Variants in CCDC178 observed in about 807,000 individuals in gnomAD.
CCDC178 encodes coiled-coil domain-containing protein 178.
CCDC178 carries 126 observed loss-of-function variants against 117.4 expected under a neutral mutation model. That is an observed-to-expected ratio of 1.07 (90% CI 0.93 to 1.24). The LOEUF is 1.24. Ranked by LOEUF, CCDC178 falls within the 50% of genes most tolerant of loss-of-function variation. The pLI, the probability that CCDC178 is intolerant of heterozygous loss-of-function variation, is 0.00. For missense variants in CCDC178, 1,030 were observed against 986.9 expected (o/e 1.04, Z -0.59); for synonymous variants, 283 against 313.4 (o/e 0.90, Z 1.02).
chr18:33,067,800 C>T (rs1055574656), intron 21 of CCDC178, among the ~76,000 whole-genome samples: 1 of 151,706 alleles, frequency 6.6e-6, no homozygotes, highest in African/African-American at 2.4e-5. Context: ...CCATTGCACT[C>T]CAGCCTTGGC....
chr18:33,015,307 G>T (rs1365984722), intron 21 of CCDC178, among the ~76,000 whole-genome samples: 1 of 151,518 alleles, frequency 6.6e-6, no homozygotes, highest in Non-Finnish European at 1.5e-5. Flanking sequence ...TCTCACGCCT[G>T]TAATCTCAGC....
intron 8 of CCDC178, among the ~76,000 whole-genome samples, chr18:33,346,694 C>T (rs2062899195): frequency 2.0e-5 from 3 of 152,170 alleles, no homozygotes; most frequent in African/African-American, 4.8e-5. Flanking sequence ...GGAAAAAACA[C>T]ATGTGCTATT....
At chr18:33,203,144 T>C (rs921650481) in intron 20 of CCDC178, among the ~76,000 whole-genome samples, 1 of 152,172 alleles carries the variant, frequency 6.6e-6, no homozygotes, top group Non-Finnish European at 1.5e-5. Flanking sequence ...ATTCAAGTCC[T>C]GAGATTATCA....
At chr18:33,126,997 A>AAAAATATAT (rs71266914) in intron 20 of CCDC178, among the ~76,000 whole-genome samples, 1 of 141,186 alleles carries the variant, frequency 7.1e-6, no homozygotes, top group African/African-American at 2.7e-5. Flanking sequence ...AAAAAAAAAA[A>AAAAATATAT]ATATATATAT....
At chr18:33,275,351 T>C (rs930312475) in intron 12 of CCDC178, among the ~76,000 whole-genome samples, 1 of 151,878 alleles carries the variant, frequency 6.6e-6, no homozygotes, top group Non-Finnish European at 1.5e-5. Flanking sequence ...AATTCAACTT[T>C]TGAGAATCTA....
At chr18:33,186,405 C>T (rs557605499) in intron 20 of CCDC178, among the ~76,000 whole-genome samples, 6 of 152,162 alleles carry the variant, frequency 3.9e-5, no homozygotes, top group Non-Finnish European at 5.9e-5. Context: ...GTAGACCAGA[C>T]GCACTGACCA....
At chr18:33,065,184 T>C (rs917430911) in intron 21 of CCDC178, among the ~76,000 whole-genome samples, 1 of 152,252 alleles carries the variant, frequency 6.6e-6, no homozygotes, top group East Asian at 1.9e-4. Context: ...GGTGTTCTAT[T>C]GCACAGTAGG....
intron 20 of CCDC178, among the ~76,000 whole-genome samples, chr18:33,117,801 T>G (rs1262644464): frequency 6.6e-6 from 1 of 152,122 alleles, no homozygotes; most frequent in Non-Finnish European, 1.5e-5. Flanking sequence ...CTAGTTGTAG[T>G]TGTTTGGTAG....
At chr18:33,106,120 C>T (rs894316783) in intron 20 of CCDC178, among the ~76,000 whole-genome samples, 1 of 151,594 alleles carries the variant, frequency 6.6e-6, no homozygotes, top group African/African-American at 2.4e-5. Flanking sequence ...TGAAACAATG[C>T]TTATATAATA....
chr18:33,436,104 C>A (rs1301531491), intron 2 of CCDC178, among the ~76,000 whole-genome samples: 1 of 151,948 alleles, frequency 6.6e-6, no homozygotes, highest in Non-Finnish European at 1.5e-5. Flanking sequence ...ACATTAAAGT[C>A]AAGAATAATT....
chr18:33,437,398 A>G (rs563979916), intron 2 of CCDC178, among the ~76,000 whole-genome samples: 1 of 152,204 alleles, frequency 6.6e-6, no homozygotes, highest in South Asian at 2.1e-4. Flanking sequence ...GTTCAACCAT[A>G]TTGTTGCCCC....
chr18:33,120,517 C>T (rs943366948), intron 20 of CCDC178, among the ~76,000 whole-genome samples: 12 of 152,110 alleles, frequency 7.9e-5, no homozygotes, highest in African/African-American at 2.9e-4. Flanking sequence ...ATGGATTGTA[C>T]ATTAACAATG....
intron 21 of CCDC178, among the ~76,000 whole-genome samples, chr18:33,031,908 A>G (rs2056351365): frequency 6.6e-6 from 1 of 152,144 alleles, no homozygotes; most frequent in Non-Finnish European, 1.5e-5. Flanking sequence ...AATAAATACT[A>G]TCTAGTAATG....
At chr18:32,963,202 A>G (rs1226249881) in intron 22 of CCDC178, among the ~76,000 whole-genome samples, 1 of 152,134 alleles carries the variant, frequency 6.6e-6, no homozygotes, top group Non-Finnish European at 1.5e-5. Context: ...GCTGCATTAA[A>G]TAAAAAGAAA....
At chr18:33,084,621 G>C (rs2057348187) in intron 21 of CCDC178, among the ~76,000 whole-genome samples, 1 of 151,852 alleles carries the variant, frequency 6.6e-6, no homozygotes, top group South Asian at 2.1e-4. Flanking sequence ...GACCAGCCTG[G>C]CCAACATACT....
intron 15 of CCDC178, among the ~76,000 whole-genome samples, chr18:33,228,802 G>A (rs1234212499): frequency 6.6e-6 from 1 of 152,204 alleles, no homozygotes; most frequent in Non-Finnish European, 1.5e-5. Context: ...TTTCCAGGCA[G>A]ATGCTCAAGG....
intron 5 of CCDC178, among the ~76,000 whole-genome samples, chr18:33,376,292 T>C (rs1318540654): frequency 6.6e-6 from 1 of 152,032 alleles, no homozygotes; most frequent in African/African-American, 2.4e-5. Flanking sequence ...GGGGAGGGCG[T>C]GAGCAGGAGG....
intron 10 of CCDC178, among the ~76,000 whole-genome samples, chr18:33,328,337 G>A (rs919038996): frequency 2.2e-4 from 34 of 151,872 alleles, no homozygotes; most frequent in Non-Finnish European, 1.5e-5. Context: ...TCTTGACCTC[G>A]TGATCCGCCC....
chr18:33,116,695 C>A (rs1439677796), intron 20 of CCDC178, among the ~76,000 whole-genome samples: 1 of 145,930 alleles, frequency 6.9e-6, no homozygotes, highest in Non-Finnish European at 1.5e-5. Context: ...ACTAGAAATG[C>A]ACTCAGGTGG....
Sources: allele counts gnomAD v4.1 joint callset (sites outside exome capture counted in the v4.1 genomes callset), GRCh38; gene constraint gnomAD v4.1.1; transcripts MANE v1.5; gene names NCBI Gene and HGNC (gene_info 2026-07-23, HGNC 2026-07-21).